PLCL2: variants seen among roughly 807,000 people sequenced by gnomAD.
PLCL2 encodes inactive phospholipase C-like protein 2.
PLCL2 carries 4 observed loss-of-function variants against 79.6 expected under a neutral mutation model. The ratio of observed to expected loss-of-function variants is 0.05; its 90% CI spans 0.02 to 0.11. The LOEUF is 0.11. Among genes scored for constraint, PLCL2 ranks in the 10% least tolerant of loss-of-function variants. The pLI is 1.00. For synonymous variants in PLCL2, 484 were observed against 457.7 expected, an observed-to-expected ratio of 1.06 and a Z score of -0.73; for missense variants, 895 against 1,291.0, an observed-to-expected ratio of 0.69 and a Z score of 4.70.
chr3:16,986,988 T>C (rs756890885), intron 1 of PLCL2, among the ~76,000 whole-genome samples: 1 of 151,786 alleles, frequency 6.6e-6, no homozygotes, highest in Non-Finnish European at 1.5e-5. Context: ...CTATGTATTT[T>C]TAAGAGGAAC....
intron 1 of PLCL2, among the ~76,000 whole-genome samples, chr3:16,939,700 T>C (rs1157968498): frequency 1.3e-5 from 2 of 152,214 alleles, no homozygotes; most frequent in African/African-American, 4.8e-5. Context: ...TTATAGAGCC[T>C]CTGAATATAC....
At chr3:16,990,529 T>G (rs1331557197) in intron 1 of PLCL2, among the ~76,000 whole-genome samples, 1 of 152,208 alleles carries the variant, frequency 6.6e-6, no homozygotes, top group Non-Finnish European at 1.5e-5. Flanking sequence ...ACTATTTAGG[T>G]CCAAGAGATT....
chr3:16,925,327 C>G (rs1009039318), intron 1 of PLCL2, among the ~76,000 whole-genome samples: 1 of 151,756 alleles, frequency 6.6e-6, no homozygotes, highest in Non-Finnish European at 1.5e-5. Flanking sequence ...TTATCTTAGC[C>G]AGTTCAAGTT....
chr3:16,943,774 C>T (rs966286654), intron 1 of PLCL2, among the ~76,000 whole-genome samples: 2 of 152,080 alleles, frequency 1.3e-5, no homozygotes, highest in African/African-American at 2.4e-5. Context: ...AAGGTTATTC[C>T]ATAATCTTTA....
In PLCL2 at chr3:17,042,918, A is replaced by G; in HGVS notation, c.3063A>G (p.Val1021=). The G allele has an allele frequency of 6.2e-7, 1 of 1,612,386 alleles. No individual in the cohort carries two copies. Among genetic ancestry groups the G allele is most frequent in the Non-Finnish European group, 8.5e-7 (1 of 1,178,506 alleles). ...LKALIENADA[V]YEKIVHCQKA... ...CGTTGATTGAAAATGCAGATGCTGTATATGAAAAGATCGTACATTGTCAGA... is the reference window on the plus strand; with the variant it reads ...CGTTGATTGAAAATGCAGATGCTGTGTATGAAAAGATCGTACATTGTCAGA... Residue 1021 remains valine (V), a synonymous_variant, in exon 4 of 6, where the codon GTA becomes GTG. Transcript: ENST00000615277.
chr3:16,999,374 G>A (rs553075970), intron 1 of PLCL2, among the ~76,000 whole-genome samples: 12 of 152,300 alleles, frequency 7.9e-5, no homozygotes, highest in African/African-American at 2.9e-4. Flanking sequence ...GAGTATTGCA[G>A]TGACACATTT....
chr3:17,054,440 C>T (rs768433038), intron 4 of PLCL2, among the ~76,000 whole-genome samples: 2 of 152,116 alleles, frequency 1.3e-5, no homozygotes, highest in Non-Finnish European at 2.9e-5. Flanking sequence ...TTGCCCATTA[C>T]CAGTTCCAAA....
intron 1 of PLCL2, among the ~76,000 whole-genome samples, chr3:16,892,858 A>C (rs1218152612): frequency 2.6e-5 from 4 of 152,168 alleles, no homozygotes; most frequent in Non-Finnish European, 4.4e-5. Context: ...AAGGTTAGAG[A>C]GGCTGTAAGA....
At chr3:16,972,691 T>G (rs529701543) in intron 1 of PLCL2, among the ~76,000 whole-genome samples, 7 of 152,242 alleles carry the variant, frequency 4.6e-5, no homozygotes, top group Admixed American at 3.3e-4. Context: ...TGGGTGCATA[T>G]ATATTTAGGT....
Position 16,886,664 on chromosome 3 carries a change from CA to C in PLCL2, c.327+1299del, listed in dbSNP as rs1165512926. Among the ~76,000 whole-genome samples the C allele has an allele frequency of 2.6e-5, 4 of 152,208 alleles. No individual in the cohort carries two copies. Among genetic ancestry groups the C allele is most frequent in the Non-Finnish European group, 2.9e-5 (2 of 68,040 alleles). Reference sequence around the variant, plus strand: ...AAGTGTATTAACTACCTGCAGCACACACGTAGAGATAAACTAAGGAAAGTAA... The same window carrying C: ...AAGTGTATTAACTACCTGCAGCACACCGTAGAGATAAACTAAGGAAAGTAA... On this transcript the variant is annotated intron_variant, in intron 1 of 5. Transcript: ENST00000615277. The surrounding 1 kb of genome is among the most constrained non-coding windows in gnomAD (Gnocchi z 4.2).
chr3:16,988,452 C>T (rs2064072150), intron 1 of PLCL2, among the ~76,000 whole-genome samples: 1 of 152,062 alleles, frequency 6.6e-6, no homozygotes, highest in Admixed American at 6.6e-5. Context: ...TTGAGATTGA[C>T]CATTTCCTTT....
chr3:16,916,280 A>C (rs558659619), intron 1 of PLCL2, among the ~76,000 whole-genome samples: 14 of 152,158 alleles, frequency 9.2e-5, no homozygotes, highest in Non-Finnish European at 1.9e-4. Flanking sequence ...GTAGTTTCTC[A>C]CTTATTTTGT....
chr3:16,891,054 T>C (rs1034886838), intron 1 of PLCL2, among the ~76,000 whole-genome samples: 3 of 152,206 alleles, frequency 2.0e-5, no homozygotes, highest in Admixed American at 1.3e-4. Context: ...GTGAACCATA[T>C]TTTAGCTAGT....
chr3:17,022,804 TCC>T (rs2064470387), intron 3 of PLCL2, among the ~76,000 whole-genome samples: 1 of 152,194 alleles, frequency 6.6e-6, no homozygotes, highest in Non-Finnish European at 1.5e-5. Context: ...TTCATACTCA[TCC>T]CAGGTGAAAA....
In PLCL2 at chr3:16,887,023, A is replaced by G. The variant is rs1449199084; in HGVS notation, c.327+1657A>G. Reference sequence around the variant, plus strand: ...TTCATAGTGTAACTTACTGAATTACAAAAACATTTGTTTTAATTTTACATT... The same window carrying G: ...TTCATAGTGTAACTTACTGAATTACGAAAACATTTGTTTTAATTTTACATT... On this transcript the variant is annotated intron_variant, in intron 1 of 5. Coordinates refer to ENST00000615277, the MANE Select transcript of PLCL2 (RefSeq NM_001144382.2). The surrounding 1 kb of genome is among the most constrained non-coding windows in gnomAD (Gnocchi z 4.1). Among the ~76,000 whole-genome samples the G allele has an allele frequency of 6.6e-6, 1 of 152,244 alleles. No homozygotes were observed. Among genetic ancestry groups the G allele is most frequent in the Non-Finnish European group, 1.5e-5 (1 of 68,042 alleles).
At position 16,995,482 on chromosome 3, in the gene PLCL2, A is replaced by G. The variant is rs181185612; in HGVS notation, c.328-14192A>G. ...GCTCCCCTCACAACAGAGGCAGGCT[A>G]GCTTTTTTCTGATCCTTCCCCCAGG... On this transcript the variant is annotated intron_variant, in intron 1 of 5. Transcript: ENST00000615277. 1.7e-3 allele frequency among the ~76,000 whole-genome samples: 264 copies of G among 152,344 alleles called. 1 individual carries two copies. Among genetic ancestry groups the G allele is most frequent in the African/African-American group, 6.1e-3 (253 of 41,580 alleles).
intron 1 of PLCL2, among the ~76,000 whole-genome samples, chr3:16,917,564 C>A (rs1697026356): frequency 3.9e-5 from 6 of 152,122 alleles, no homozygotes; most frequent in Admixed American, 2.6e-4. Context: ...TGTTGGGTAC[C>A]TTTGCAGGGA....
chr3:17,038,813 C>T (rs985253939), intron 3 of PLCL2, among the ~76,000 whole-genome samples: 7 of 152,126 alleles, frequency 4.6e-5, no homozygotes, highest in African/African-American at 9.7e-5. Context: ...GTGCTTTCTT[C>T]GGATTGAAAC....
At chr3:17,004,309 A>G (rs1048039830) in intron 1 of PLCL2, among the ~76,000 whole-genome samples, 1 of 152,144 alleles carries the variant, frequency 6.6e-6, no homozygotes, top group African/African-American at 2.4e-5. Context: ...TAAGTCACCC[A>G]TAGGCTCCTA....
Sources: allele counts gnomAD v4.1 joint callset (sites outside exome capture counted in the v4.1 genomes callset), GRCh38; gene constraint gnomAD v4.1.1; non-coding constraint Gnocchi (gnomAD v3.1); transcripts MANE v1.5; gene names NCBI Gene and HGNC (gene_info 2026-07-23, HGNC 2026-07-21).